Variants in LTBP3 observed in about 807,000 individuals in gnomAD.
LTBP3 encodes latent transforming growth factor beta binding protein 3.
LTBP3 carries 97 observed loss-of-function variants against 159.7 expected under a neutral mutation model. The ratio of observed to expected loss-of-function variants is 0.61; its 90% CI spans 0.52 to 0.72. The LOEUF (loss-of-function observed/expected upper bound fraction) is 0.72, where lower values mean the gene tolerates loss of function less well. Among genes scored for constraint, LTBP3 ranks in the 30% least tolerant of loss-of-function variants. LTBP3 has a pLI of 0.00. For synonymous variants in LTBP3, 824 were observed against 777.1 expected (o/e 1.06, Z -1.00); for missense variants, 1,584 against 1,864.3 (o/e 0.85, Z 2.77).
At position 65,553,884 on chromosome 11, in the gene LTBP3, C is replaced by A; in HGVS notation, c.681G>T (p.Val227=). ...ISAEVQAPPP[V]VNVRVHHPPE... is the part of the protein sequence containing the mutation. ...GCGGGTGATGGACGCGCACATTCAC[C>A]ACGGGGGGCGGGGCCTGCACTGGGG... The change falls in exon 3 of 28, where the codon GTG becomes GTT. Residue 227 remains valine, a synonymous_variant. Transcript: ENST00000301873. This position sits in a 1 kb window ranked among gnomAD's most constrained non-coding sequence, Gnocchi z 6.5. The A allele has an allele frequency of 6.4e-7, 1 of 1,552,348 alleles. No individual in the cohort carries two copies. Among genetic ancestry groups the A allele is most frequent in the South Asian group, 1.2e-5 (1 of 85,968 alleles).
At chr11:65,550,993 G>T in intron 11 of LTBP3, 133 bp downstream of exon 11, 1 of 764,768 alleles carries the variant, frequency 1.3e-6, no homozygotes, top group South Asian at 1.5e-5. Flanking sequence ...TGCTCACCAG[G>T]CTTCCCCAGT....
At chr11:65,548,263 C>T (rs554616751) in intron 11 of LTBP3, 2 of 676,576 alleles carry the variant, frequency 3.0e-6, no homozygotes, top group Admixed American at 4.7e-5. Flanking sequence ...AGCCGTATCA[C>T]CCCACACCCA....
chr11:65,553,461 C>T lies in LTBP3; in HGVS notation c.934G>A (p.Gly312Ser). ...DCCGSIGTAW[G>S]QSKCHKCPQL... is the part of the protein sequence containing the mutation. ...GGACACTTGTGGCACTTGCTCTGGC[C>T]CCAGGCAGTGCCGATGCTACCGCAG... The change falls in exon 4 of 28, where the codon GGC becomes AGC. Residue 312 changes from glycine (G) to serine (S), a missense_variant. Transcript: ENST00000301873. This position sits in a 1 kb window ranked among gnomAD's most constrained non-coding sequence, Gnocchi z 6.5. 1.9e-6 allele frequency: 3 copies of T among 1,612,556 alleles called. No homozygotes were observed. The highest frequency in any genetic ancestry group is 2.5e-6 in the Non-Finnish European group (3 of 1,179,932).
intron 11 of LTBP3, chr11:65,548,344 C>T (rs1009030870): frequency 3.4e-6 from 2 of 591,572 alleles, no homozygotes; most frequent in Admixed American, 3.0e-5. Context: ...AACCACATCC[C>T]CTCAGGGCCC....
intron 11 of LTBP3, 62 bp downstream of exon 11, chr11:65,551,064 G>A (rs559805527): frequency 6.0e-6 from 8 of 1,340,890 alleles, no homozygotes; most frequent in South Asian, 3.8e-5. Context: ...GCGGGAGGGA[G>A]GAGAGAAAAC....
chr11:65,550,898 AT>A (rs1565098131), intron 11 of LTBP3, among the ~76,000 whole-genome samples: 3 of 152,232 alleles, frequency 2.0e-5, no homozygotes, highest in Non-Finnish European at 2.9e-5. Flanking sequence ...TGTAACACTA[AT>A]AAGTATTTGT....
chr11:65,542,998 A>AGGATGGTT (rs1421732436), intron 18 of LTBP3, 107 bp downstream of exon 18: 11 of 1,409,778 alleles, frequency 7.8e-6, no homozygotes, highest in African/African-American at 1.4e-5. Flanking sequence ...GGATGGATGA[A>AGGATGGTT]GGATGGTTGG....
chr11:65,551,236 A>C lies in LTBP3; in HGVS notation c.1622-12T>G, dbSNP rs1856601322. The stretch of plus-strand genomic sequence containing the variant: ...ACGGGAGATCAGCTCTGCGGGCGGC[A>C]GTGCACTCTGGTCAGAGACGATATT... On this transcript the variant is annotated splice_polypyrimidine_tract_variant and intron_variant, in intron 10 of 27. Transcript: ENST00000301873. 1 of 1,543,856 alleles carries C rather than the reference A, an allele frequency of 6.5e-7. No homozygotes were observed. Among genetic ancestry groups the C allele is most frequent in the African/African-American group, 1.4e-5 (1 of 73,080 alleles).
Position 65,547,882 on chromosome 11 carries a change from C to A in LTBP3, c.1846+38G>T. The A allele has an allele frequency of 3.1e-5, 50 of 1,613,334 alleles. No homozygotes were observed. Among genetic ancestry groups the A allele is most frequent in the Non-Finnish European group, 4.2e-5 (50 of 1,179,930 alleles). ...AAGCGTCGTTATCTGGGGTCCCCCC[C>A]CACCCACCTGCATGCCCGCCGCCTG... On this transcript the variant is annotated intron_variant, in intron 12 of 27. Transcript: ENST00000301873. The surrounding 1 kb of genome is among the most constrained non-coding windows in gnomAD (Gnocchi z 4.6).
In LTBP3 at chr11:65,557,854, CCAGCAGCAGCAG is replaced by C. The variant is rs71036212; in HGVS notation, c.94_105del (p.Leu32_Leu35del). ...CCCCCCTCGACCCTGCCGCCCAGGC[CCAGCAGCAGCAG>C]CAGCAGCAGCAGCAGCAGCGCCAGC... is the stretch of plus-strand genomic sequence containing the variant. On this transcript the variant is annotated inframe_deletion, in exon 1 of 28. Coordinates refer to ENST00000301873, the MANE Select transcript of LTBP3 (RefSeq NM_001130144.3). The C allele has an allele frequency of 3.0e-5, 39 of 1,320,176 alleles. No homozygotes were observed. The highest frequency in any genetic ancestry group is 9.5e-5 in the South Asian group (5 of 52,790). The allele number at this position is 1,320,176 out of a possible 1,614,324, so 81.8% of individuals were successfully genotyped here. A position where few individuals can be genotyped will look rare whatever the true frequency, so the allele number is the denominator to read the frequency against.
At chr11:65,540,672 G>C (rs1590760343) in intron 21 of LTBP3, 58 bp from the exon 22 acceptor site, 6 of 1,608,024 alleles carry the variant, frequency 3.7e-6, no homozygotes, top group Middle Eastern at 3.3e-4. Context: ...GGAGGCGTGG[G>C]CTGGGCGCAC....
intron 26 of LTBP3, 39 bp downstream of exon 26, chr11:65,539,509 G>A (rs372166986): frequency 1.1e-5 from 17 of 1,602,796 alleles, no homozygotes; most frequent in African/African-American, 1.3e-5. Context: ...CCGGCCAAAG[G>A]CTACCAACCC....
chr11:65,551,682 A>G lies in LTBP3; in HGVS notation c.1532-118T>C, dbSNP rs147557170. ...CTGGGAGTTCAACAATCATGTCTCC[A>G]GGTCAAGGGTCAGGGGTTAGATTCT... On this transcript the variant is annotated intron_variant, in intron 8 of 27. Coordinates refer to ENST00000301873, the MANE Select transcript of LTBP3 (RefSeq NM_001130144.3). The G allele has an allele frequency of 7.3e-5, 96 of 1,306,430 alleles. No individual in the cohort carries two copies. In the African/African-American group the frequency reaches 1.2e-3, roughly 16 times the overall value. 80.9% of individuals were successfully genotyped at this position (1,306,430 alleles called of 1,614,324 possible).
chr11:65,539,674 T>TGGC (rs1565086936), intron 25 of LTBP3, 46 bp from the exon 26 acceptor site: 1 of 1,583,814 alleles, frequency 6.3e-7, no homozygotes, highest in Non-Finnish European at 8.5e-7. Flanking sequence ...CCCCGGGCCC[T>TGGC]GGCCCCCATC....
Position 65,540,232 on chromosome 11 carries a change from G to A in LTBP3, c.3244+13C>T, listed in dbSNP as rs1856037559. ...CCCCTCCCGCGTACCCCACTCCCCG[G>A]CCCGGGCCTCACCCATCTCTTCCGG... is the stretch of plus-strand genomic sequence containing the variant. On this transcript the variant is annotated intron_variant, in intron 23 of 27. Coordinates refer to ENST00000301873, the MANE Select transcript of LTBP3 (RefSeq NM_001130144.3). 1.3e-6 allele frequency: 2 copies of A among 1,548,782 alleles called. No individual in the cohort carries two copies. Among genetic ancestry groups the A allele is most frequent in the Middle Eastern group, 1.7e-4 (1 of 5,894 alleles).
intron 11 of LTBP3, 63 bp from the exon 12 acceptor site, chr11:65,548,108 G>A (rs539158005): frequency 1.0e-4 from 165 of 1,610,852 alleles, no homozygotes; most frequent in Non-Finnish European, 1.3e-4. Context: ...ATATCCCCAG[G>A]GCAGACCTCA....
Position 65,558,162 on chromosome 11 carries a change from T to G in LTBP3, c.-203A>C. ...CTGGACAGCGGGGAGCGCAGAAACT[T>G]CCCAGCCCCAGGACGAAGCCCAGAC... On this transcript the variant is annotated 5_prime_UTR_variant, in exon 1 of 28. Coordinates refer to ENST00000301873, the MANE Select transcript of LTBP3 (RefSeq NM_001130144.3). 9.3e-7 allele frequency: 1 copy of G among 1,070,420 alleles called. No individual in the cohort carries two copies. The highest frequency in any genetic ancestry group is 1.1e-6 in the Non-Finnish European group (1 of 883,892). The allele number at this position is 1,070,420 out of a possible 1,614,324, so 66.3% of individuals were successfully genotyped here.
Position 65,546,606 on chromosome 11 carries a change from A to T in LTBP3, c.2231-42T>A. 6.3e-7 allele frequency: 1 copy of T among 1,598,008 alleles called. No individual in the cohort carries two copies. The highest frequency in any genetic ancestry group is 8.5e-7 in the Non-Finnish European group (1 of 1,179,106). On this transcript the variant is annotated intron_variant, in intron 15 of 27. Transcript: ENST00000301873. This position sits in a 1 kb window ranked among gnomAD's most constrained non-coding sequence, Gnocchi z 4.0. ...TAGCCTCGGACTCTGCCCCACCGGA[A>T]GGCGGACCGCGCACCTCGCGGGGGT...
At position 65,541,241 on chromosome 11, in the gene LTBP3, T is replaced by G; in HGVS notation, c.2778A>C (p.Thr926=). The G allele has an allele frequency of 1.2e-6, 2 of 1,613,662 alleles. No individual in the cohort carries two copies. The highest frequency in any genetic ancestry group is 1.7e-6 in the Non-Finnish European group (2 of 1,179,974). ...TGGCCAATACGCTGTCGCAGAACAC[T>G]GTGTCATCGAAGTTCAGGTAGCACT... ...KKECYLNFDD[T]VFCDSVLATN... is the part of the protein sequence containing the mutation. Residue 926 remains threonine, a synonymous_variant, in exon 20 of 28, where the codon ACA becomes ACC. Transcript: ENST00000301873.
Sources: gnomAD v4.1 joint callset for allele counts (sites outside exome capture counted in the v4.1 genomes callset) on GRCh38, gnomAD v4.1.1 for gene constraint, Gnocchi (gnomAD v3.1) non-coding constraint, MANE v1.5 for transcripts, NCBI Gene and HGNC (gene_info 2026-07-23, HGNC 2026-07-21) for gene names.